The following RBP3 variants were observed in gnomAD, a reference collection of about 807,000 sequenced individuals.
RBP3 encodes retinol binding protein 3.
Under a neutral mutation model 64.8 loss-of-function variants are expected in RBP3, and 50 were observed. That is an observed-to-expected ratio of 0.77 (90% CI 0.61 to 0.98). RBP3 has a LOEUF of 0.98. Among genes scored for constraint, RBP3 ranks in the 50% least tolerant of loss-of-function variants. RBP3 has a pLI of 0.00. For missense variants in RBP3, 1,712 were observed against 1,660.5 expected, an observed-to-expected ratio of 1.03 and a Z score of -0.54; for synonymous variants, 828 against 730.2, an observed-to-expected ratio of 1.13 and a Z score of -2.16.
At chr10:47,356,252 T>C (rs888329435) in intron 3 of RBP3, among the ~76,000 whole-genome samples, 3 of 152,168 alleles carry the variant, frequency 2.0e-5, no homozygotes, top group African/African-American at 7.2e-5. Context: ...TCCTAGGACA[T>C]ACGTTCAATA....
chr10:47,351,041 G>A lies in RBP3; in HGVS notation c.2557G>A (p.Glu853Lys), dbSNP rs782365060. The change falls in exon 1 of 4, where the codon GAG becomes AAG. Residue 853 changes from glutamate to lysine, a missense_variant. Physicochemically the swap from Glu to Lys is moderately conservative, Grantham distance 56. Coordinates refer to ENST00000584701, the MANE Select transcript of RBP3 (RefSeq NM_002900.3). ...LMSHTSGSAA[E>K]AFAHTMQDLQ... ...GAGCCACACCAGTGGCTCTGCGGCCGAGGCCTTTGCACACACCATGCAGGA... is the reference window on the plus strand; with the variant it reads ...GAGCCACACCAGTGGCTCTGCGGCCAAGGCCTTTGCACACACCATGCAGGA... The A allele has an allele frequency of 9.9e-6, 16 of 1,610,702 alleles. No individual in the cohort carries two copies. The highest frequency in any genetic ancestry group is 4.0e-5 in the African/African-American group (3 of 74,942).
intron 2 of RBP3, among the ~76,000 whole-genome samples, 172 bp from the exon 3 acceptor site, chr10:47,355,204 A>G (rs1165740295): frequency 6.6e-6 from 1 of 152,182 alleles, no homozygotes; most frequent in Non-Finnish European, 1.5e-5. Flanking sequence ...GTACTCTTGG[A>G]AATACTCTGG....
chr10:47,350,669 C>T lies in RBP3; in HGVS notation c.2185C>T (p.Leu729Phe), dbSNP rs1372129460. The change falls in exon 1 of 4, where the codon CTT becomes TTT. Residue 729 changes from leucine (L) to phenylalanine (F), a missense_variant. Physicochemically the swap from Leu to Phe is conservative, Grantham distance 22. Coordinates refer to ENST00000584701, the MANE Select transcript of RBP3 (RefSeq NM_002900.3). ...AVPSPEELTY[L>F]IEALFKTEVL... ...CCCCTCTCCAGAGGAGCTCACCTAC[C>T]TTATTGAGGCCCTGTTCAAGACAGA... 6 of 1,612,944 alleles carry T rather than the reference C, an allele frequency of 3.7e-6. No individual in the cohort carries two copies. Among genetic ancestry groups the T allele is most frequent in the Non-Finnish European group, 5.1e-6 (6 of 1,180,042 alleles).
At position 47,351,308 on chromosome 10, in the gene RBP3, C is replaced by A. The variant is rs781985780; in HGVS notation, c.2824C>A (p.Gln942Lys). 2.5e-6 allele frequency: 4 copies of A among 1,613,506 alleles called. No homozygotes were observed. The East Asian group carries it at 6.7e-5, about 27-fold the overall frequency. The change falls in exon 1 of 4, where the codon CAG becomes AAG. Residue 942 changes from glutamine to lysine, a missense_variant. Gln to Lys is a moderately conservative substitution (Grantham distance 53, BLOSUM62 1). Transcript: ENST00000584701. ...ALRAKVPTVLQTAGKLVADNY... is the reference protein window; with the variant it reads ...ALRAKVPTVLKTAGKLVADNY... ...GCGTGCCAAGGTGCCCACGGTGCTG[C>A]AGACGGCCGGGAAGCTGGTGGCTGA...
chr10:47,353,382 C>T lies in RBP3; in HGVS notation c.3112C>T (p.Leu1038Phe). ...CAAGTTTTCCTTCCACACTAACGTG[C>T]TTGAGGACAACATTGGCTACTTGAG... The part of the protein sequence containing the change: ...LIKFSFHTNV[L>F]EDNIGYLRFD... The change falls in exon 2 of 4, where the codon CTT becomes TTT. Residue 1038 changes from leucine (L) to phenylalanine (F), a missense_variant. Coordinates refer to ENST00000584701, the MANE Select transcript of RBP3 (RefSeq NM_002900.3). 1 of 1,614,132 alleles carries T rather than the reference C, an allele frequency of 6.2e-7. No individual in the cohort carries two copies. Among genetic ancestry groups the T allele is most frequent in the Non-Finnish European group, 8.5e-7 (1 of 1,180,020 alleles).
chr10:47,355,371 T>C lies in RBP3; in HGVS notation c.3246-5T>C, dbSNP rs1555211906. 9 of 1,613,604 alleles carry C rather than the reference T, an allele frequency of 5.6e-6. No individual in the cohort carries two copies. Among genetic ancestry groups the C allele is most frequent in the Non-Finnish European group, 7.6e-6 (9 of 1,180,040 alleles). On this transcript the variant is annotated splice_region_variant and splice_polypyrimidine_tract_variant and intron_variant, in intron 2 of 3. Transcript: ENST00000584701. The stretch of plus-strand genomic sequence containing the variant: ...CCTGAACAGGCTCTGCTTCCCATCC[T>C]TCAGGTTCAACATCGGTGGCCCCAC...
At chr10:47,353,121 C>A (rs931765784) in intron 1 of RBP3, among the ~76,000 whole-genome samples, 2 of 152,132 alleles carry the variant, frequency 1.3e-5, no homozygotes, top group African/African-American at 4.8e-5. Context: ...GCATCCTCTG[C>A]AAGGAGGCTG....
chr10:47,355,505 C>T lies in RBP3; in HGVS notation c.3375C>T (p.His1125=), dbSNP rs782017420. 5.0e-5 allele frequency: 80 copies of T among 1,614,068 alleles called. No homozygotes were observed. Among genetic ancestry groups the T allele is most frequent in the South Asian group, 3.4e-4 (31 of 91,092 alleles). Residue 1125 remains histidine, a synonymous_variant, in exon 3 of 4, where the codon CAC becomes CAT. Coordinates refer to ENST00000584701, the MANE Select transcript of RBP3 (RefSeq NM_002900.3). The part of the protein sequence containing the change: ...PDDSVSELWT[H]AQVVGERYGS... ...ACTCTGTCAGTGAACTCTGGACACA[C>T]GCCCAGGTTGTAGGTACGTGGAGAA...
In RBP3 at chr10:47,349,852, G is replaced by A. The variant is rs2132253703; in HGVS notation, c.1368G>A (p.Leu456=). 1 of 1,613,156 alleles carries A rather than the reference G, an allele frequency of 6.2e-7. No individual in the cohort carries two copies. The highest frequency in any genetic ancestry group is 8.5e-7 in the Non-Finnish European group (1 of 1,180,014). Residue 456 remains leucine, a synonymous_variant, in exon 1 of 4, where the codon TTG becomes TTA. Transcript: ENST00000584701. ...CTGACGCCTCCGTCCTGGGTGTGTT[G>A]GCCCCATATGTCCTGCGCCAGGTGT... ...SFADASVLGV[L]APYVLRQVWE...
chr10:47,349,376 G>C lies in RBP3; in HGVS notation c.892G>C (p.Gly298Arg), dbSNP rs1290433500. The change falls in exon 1 of 4, where the codon GGC (glycine) becomes CGC (arginine). Residue 298 changes from glycine to arginine, a missense_variant. Coordinates refer to ENST00000584701, the MANE Select transcript of RBP3 (RefSeq NM_002900.3). ...PLGGGSQTWE[G>R]SGVLPCVGTP... ...TGGTGGAGGCAGCCAGACGTGGGAG[G>C]GCAGCGGGGTGCTGCCCTGTGTGGG... is the stretch of plus-strand genomic sequence containing the variant. 6.2e-7 allele frequency: 1 copy of C among 1,611,986 alleles called. No homozygotes were observed. Among genetic ancestry groups the C allele is most frequent in the Non-Finnish European group, 8.5e-7 (1 of 1,179,934 alleles).
rs781930214 is a variant in RBP3, at chr10:47,357,405, A to C, written c.3692A>C (p.Gln1231Pro). Residue 1231 changes from glutamine (Q) to proline (P), a missense_variant, in exon 4 of 4, where the codon CAG becomes CCG. Physicochemically the swap from Gln to Pro is moderately conservative, Grantham distance 76 (BLOSUM62 -1). Coordinates refer to ENST00000584701, the MANE Select transcript of RBP3 (RefSeq NM_002900.3). ...EALARAKEML[Q>P]HNQLRVKRSP... ...CTCGCCAGGGCCAAGGAGATGCTCC[A>C]GCACAACCAGCTGAGGGTGAAGCGG... is the stretch of plus-strand genomic sequence containing the variant. 1 of 1,614,050 alleles carries C rather than the reference A, an allele frequency of 6.2e-7. No homozygotes were observed. The highest frequency in any genetic ancestry group is 8.5e-7 in the Non-Finnish European group (1 of 1,179,970).
chr10:47,351,803 G>A (rs1419030266), intron 1 of RBP3, among the ~76,000 whole-genome samples: 1 of 152,160 alleles, frequency 6.6e-6, no homozygotes, highest in East Asian at 1.9e-4. Flanking sequence ...AATTACTTTT[G>A]CACCCACCTC....
At chr10:47,357,059 G>T in intron 3 of RBP3, 43 bp from the exon 4 acceptor site, 2 of 1,573,332 alleles carry the variant, frequency 1.3e-6, no homozygotes, top group Admixed American at 1.7e-5. Flanking sequence ...GTGCTCCAGG[G>T]TCCTGACATG....
At chr10:47,356,589 CAT>C (rs1837050039) in intron 3 of RBP3, among the ~76,000 whole-genome samples, 1 of 152,132 alleles carries the variant, frequency 6.6e-6, no homozygotes, top group Non-Finnish European at 1.5e-5. Context: ...TTAAACAAAA[CAT>C]GATTAAAATT....
chr10:47,348,918 G>C lies in RBP3; in HGVS notation c.434G>C (p.Ser145Thr), dbSNP rs1555210926. 20 of 1,613,744 alleles carry C rather than the reference G, an allele frequency of 1.2e-5. No homozygotes were observed. The highest frequency in any genetic ancestry group is 1.6e-5 in the Non-Finnish European group (19 of 1,180,038). The change falls in exon 1 of 4, where the codon AGC (serine) becomes ACC (threonine). Residue 145 changes from serine (S) to threonine (T), a missense_variant. Coordinates refer to ENST00000584701, the MANE Select transcript of RBP3 (RefSeq NM_002900.3). ...VDSVPGQEVL[S>T]MMGEFLVAHV... ...AGCGTCCCGGGCCAGGAGGTGCTGA[G>C]CATGATGGGGGAGTTCCTGGTGGCC...
In RBP3 at chr10:47,357,505, C is replaced by A; in HGVS notation, c.*48C>A. On this transcript the variant is annotated 3_prime_UTR_variant, in exon 4 of 4. Coordinates refer to ENST00000584701, the MANE Select transcript of RBP3 (RefSeq NM_002900.3). ...CCCAGGGCAGACAGAACCTCTGGGA[C>A]ACACACCAAGGGCACTCCTGCAGGT... 1 of 1,537,726 alleles carries A rather than the reference C, an allele frequency of 6.5e-7. No individual in the cohort carries two copies. The highest frequency in any genetic ancestry group is 8.8e-7 in the Non-Finnish European group (1 of 1,132,826).
rs1431510852 is a variant in RBP3 at position 47,349,572 on chromosome 10, T to A, written c.1088T>A (p.Val363Asp). The change falls in exon 1 of 4, where the codon GTC becomes GAC. Residue 363 changes from valine to aspartate, a missense_variant. Physicochemically the swap from Val to Asp is radical, Grantham distance 152. Coordinates refer to ENST00000584701, the MANE Select transcript of RBP3 (RefSeq NM_002900.3). ...GCCAGCATGGACTTCTCCACGGTGGTCTCCGAGGAAGATCTGGTCACCAAG... is the reference window on the plus strand; with the variant it reads ...GCCAGCATGGACTTCTCCACGGTGGACTCCGAGGAAGATCTGGTCACCAAG... Reference protein sequence around the residue: ...HLASMDFSTVVSEEDLVTKLN... With the variant: ...HLASMDFSTVDSEEDLVTKLN... 1 of 1,612,768 alleles carries A rather than the reference T, an allele frequency of 6.2e-7. No homozygotes were observed. The highest frequency in any genetic ancestry group is 8.5e-7 in the Non-Finnish European group (1 of 1,179,984).
chr10:47,350,996 A>G lies in RBP3; in HGVS notation c.2512A>G (p.Lys838Glu). The G allele has an allele frequency of 6.2e-7, 1 of 1,611,336 alleles. No homozygotes were observed. Among genetic ancestry groups the G allele is most frequent in the Non-Finnish European group, 8.5e-7 (1 of 1,179,932 alleles). Residue 838 changes from lysine to glutamate, a missense_variant, in exon 1 of 4, where the codon AAG becomes GAG. Transcript: ENST00000584701. ...QVAGQRYGSH[K>E]DLYILMSHTS... ...CGCCGGCCAGCGCTACGGCTCACACAAGGACCTCTACATCCTGATGAGCCA... is the reference window on the plus strand; with the variant it reads ...CGCCGGCCAGCGCTACGGCTCACACGAGGACCTCTACATCCTGATGAGCCA...
chr10:47,352,157 C>T (rs555146903), intron 1 of RBP3, among the ~76,000 whole-genome samples: 7 of 152,230 alleles, frequency 4.6e-5, no homozygotes, highest in Admixed American at 3.3e-4. Flanking sequence ...GTCTGGGAGG[C>T]GGTTACTGAA....
Sources: gnomAD v4.1 joint callset for allele counts (sites outside exome capture counted in the v4.1 genomes callset) on GRCh38, gnomAD v4.1.1 for gene constraint, MANE v1.5 for transcripts, NCBI Gene and HGNC (gene_info 2026-07-23, HGNC 2026-07-21) for gene names.